Variants in TLN2 observed in about 807,000 individuals in gnomAD.
The protein encoded by TLN2 is talin-2.
In TLN2, 118 loss-of-function variants were observed where a neutral mutation model predicts 294.7. The observed-to-expected ratio is 0.40, with a 90% confidence interval of 0.34 to 0.47. The LOEUF is 0.47. Among genes scored for constraint, TLN2 ranks in the 20% least tolerant of loss-of-function variants. The probability of loss-of-function intolerance (pLI) is 0.84; values close to 1 mark genes in which losing one functional copy is unlikely to be tolerated. For missense variants in TLN2, 3,083 were observed against 3,282.2 expected (o/e 0.94, Z 1.48); for synonymous variants, 1,431 against 1,304.5 (o/e 1.10, Z -2.09).
At chr15:62,632,070 G>A (rs894783019) in intron 3 of TLN2, among the ~76,000 whole-genome samples, 1 of 152,156 alleles carries the variant, frequency 6.6e-6, no homozygotes, top group Non-Finnish European at 1.5e-5. Flanking sequence ...GAAGTTATGT[G>A]TGCTCCCCCC....
chr15:62,560,758 T>C (rs556723993), intron 1 of TLN2, among the ~76,000 whole-genome samples: 4 of 152,328 alleles, frequency 2.6e-5, no homozygotes, highest in Non-Finnish European at 5.9e-5. Context: ...CTTTGCAGGG[T>C]GGACTCTGCC....
intron 45 of TLN2, among the ~76,000 whole-genome samples, chr15:62,790,823 G>A (rs1405091410): frequency 6.6e-6 from 1 of 152,234 alleles, no homozygotes; most frequent in Admixed American, 6.5e-5. Flanking sequence ...TGACATCTGT[G>A]TGGGCTGGAG....
intron 50 of TLN2, among the ~76,000 whole-genome samples, chr15:62,802,232 G>C (rs1332416848): frequency 6.6e-6 from 1 of 151,884 alleles, no homozygotes. Context: ...GTCTTTCTGT[G>C]CCTGGCTTAT....
At chr15:62,536,308 A>T (rs375513744) in intron 1 of TLN2, among the ~76,000 whole-genome samples, 10 of 152,128 alleles carry the variant, frequency 6.6e-5, no homozygotes, top group African/African-American at 2.2e-4. Context: ...ATTCTCTAGG[A>T]TTCTCCCAAG....
intron 1 of TLN2, among the ~76,000 whole-genome samples, chr15:62,486,192 C>A (rs1387111714): frequency 6.6e-6 from 1 of 152,100 alleles, no homozygotes; most frequent in Non-Finnish European, 1.5e-5. Flanking sequence ...AGATCAAGGA[C>A]ATTCCTTTTC....
chr15:62,784,961 T>C (rs988629195), intron 45 of TLN2: 2 of 152,070 alleles, frequency 1.3e-5, no homozygotes, highest in East Asian at 3.8e-4. Context: ...CCGAGAGATA[T>C]TCCAGAAATG....
intron 1 of TLN2, among the ~76,000 whole-genome samples, chr15:62,551,678 T>C (rs1275480927): frequency 1.3e-5 from 2 of 152,146 alleles, no homozygotes; most frequent in African/African-American, 4.8e-5. Context: ...CAGCCTGAGC[T>C]TCAGAGCGAG....
At chr15:62,562,632 G>A (rs1458978167) in intron 1 of TLN2, among the ~76,000 whole-genome samples, 1 of 151,556 alleles carries the variant, frequency 6.6e-6, no homozygotes, top group Non-Finnish European at 1.5e-5. Flanking sequence ...TGAGATTTTG[G>A]TGCACCCATC....
At chr15:62,428,170 T>C (rs532302431) in intron 1 of TLN2, among the ~76,000 whole-genome samples, 1 of 152,328 alleles carries the variant, frequency 6.6e-6, no homozygotes, top group African/African-American at 2.4e-5. Context: ...AGTTCATAAA[T>C]GTCACCTTTC....
intron 19 of TLN2, among the ~76,000 whole-genome samples, chr15:62,704,778 C>A (rs745975448): frequency 6.6e-6 from 1 of 152,190 alleles, no homozygotes; most frequent in Non-Finnish European, 1.5e-5. Flanking sequence ...ATTGTGTCCC[C>A]ATTCTAATTT....
At chr15:62,820,364 A>G (rs1005456054) in intron 53 of TLN2, 122 bp from the exon 54 acceptor site, 3 of 837,428 alleles carry the variant, frequency 3.6e-6, no homozygotes, top group African/African-American at 1.9e-5. Flanking sequence ...AAGGTTCCTT[A>G]GGACAATGCA....
At chr15:62,570,030 A>C (rs1016184354) in intron 1 of TLN2, among the ~76,000 whole-genome samples, 1 of 151,882 alleles carries the variant, frequency 6.6e-6, no homozygotes, top group African/African-American at 2.4e-5. Flanking sequence ...CTTCTTCTCT[A>C]TCTCTCCTTT....
intron 32 of TLN2, among the ~76,000 whole-genome samples, chr15:62,744,974 T>G (rs1303373589): frequency 6.6e-6 from 1 of 150,942 alleles, no homozygotes; most frequent in African/African-American, 2.5e-5. Context: ...AGATGTCTGC[T>G]GCTGCTTTTT....
intron 26 of TLN2, among the ~76,000 whole-genome samples, 176 bp downstream of exon 26, chr15:62,722,663 C>A (rs2060216760): frequency 6.6e-6 from 1 of 152,162 alleles, no homozygotes; most frequent in African/African-American, 2.4e-5. Flanking sequence ...GCCACTATCT[C>A]CCAGACTTAG....
chr15:62,737,403 T>C (rs1419558246), intron 29 of TLN2, among the ~76,000 whole-genome samples: 1 of 152,164 alleles, frequency 6.6e-6, no homozygotes, highest in Admixed American at 6.5e-5. Context: ...CTGAGCTATA[T>C]TGCTGTTCCT....
chr15:62,732,954 G>A (rs1338566932), intron 28 of TLN2, among the ~76,000 whole-genome samples: 1 of 152,146 alleles, frequency 6.6e-6, no homozygotes, highest in East Asian at 1.9e-4. Context: ...GCATCATTAG[G>A]CAGCTAAATC....
chr15:62,635,870 G>A (rs1467555733), intron 3 of TLN2, among the ~76,000 whole-genome samples: 2 of 152,252 alleles, frequency 1.3e-5, no homozygotes, highest in African/African-American at 2.4e-5. Context: ...CCTGACACAA[G>A]CACTGTATCG....
rs774894559 is a variant in TLN2 at position 62,841,620 on chromosome 15, T to A, written c.*1010T>A. On this transcript the variant is annotated 3_prime_UTR_variant, in exon 59 of 59. Transcript: ENST00000636159. ...TTTCTGTCTTAATATCCAGAAAATC[T>A]AAATGCATCCTAAAATCAATGTGAA... is the stretch of plus-strand genomic sequence containing the variant. 2 of 152,358 alleles carry A rather than the reference T, an allele frequency of 1.3e-5. No individual in the cohort carries two copies. Among genetic ancestry groups the A allele is most frequent in the East Asian group, 3.9e-4 (2 of 5,184 alleles). The allele number at this position is 152,358 out of a possible 1,614,324, so 9.4% of individuals were successfully genotyped here.
intron 21 of TLN2, among the ~76,000 whole-genome samples, chr15:62,710,955 T>C (rs1424408527): frequency 6.6e-6 from 1 of 152,000 alleles, no homozygotes; most frequent in Non-Finnish European, 1.5e-5. Flanking sequence ...CTCGATCTCC[T>C]GACCTCGTGA....
Sources: allele counts gnomAD v4.1 joint callset (sites outside exome capture counted in the v4.1 genomes callset), GRCh38; gene constraint gnomAD v4.1.1; transcripts MANE v1.5; gene names NCBI Gene and HGNC (gene_info 2026-07-23, HGNC 2026-07-21).